GPHN: variants seen among roughly 807,000 people sequenced by gnomAD.
GPHN encodes gephyrin.
Under a neutral mutation model 95.5 loss-of-function variants are expected in GPHN, and 17 were observed. The observed-to-expected ratio is 0.18, with a 90% CI of 0.12 to 0.27. The LOEUF (loss-of-function observed/expected upper bound fraction) is 0.27, where lower values mean the gene tolerates loss of function less well. Ranked by LOEUF, GPHN falls within the 10% of genes least tolerant of loss-of-function variation. The pLI is 1.00. For missense variants in GPHN, 660 were observed against 978.1 expected, an observed-to-expected ratio of 0.67 and a Z score of 4.34; for synonymous variants, 320 against 322.5, an observed-to-expected ratio of 0.99 and a Z score of 0.08.
At chr14:66,968,908 AC>A (rs1743901163) in intron 9 of GPHN, 2 of 152,154 alleles carry the variant, frequency 1.3e-5, no homozygotes, top group African/African-American at 4.8e-5. Flanking sequence ...GAAGCACTTA[AC>A]CAATATATAG....
chr14:67,125,583 C>T (rs2079254475), intron 17 of GPHN, among the ~76,000 whole-genome samples: 1 of 152,120 alleles, frequency 6.6e-6, no homozygotes, highest in Admixed American at 6.5e-5. Context: ...TGGAGACCAG[C>T]CTGACCAACG....
At chr14:66,893,073 C>T (rs1030365129) in intron 5 of GPHN, among the ~76,000 whole-genome samples, 2 of 152,140 alleles carry the variant, frequency 1.3e-5, no homozygotes, top group African/African-American at 2.4e-5. Context: ...GTGAGGACCA[C>T]CTCAACACAG....
chr14:66,607,769 C>T (rs2062607400), intron 1 of GPHN, among the ~76,000 whole-genome samples: 1 of 151,742 alleles, frequency 6.6e-6, no homozygotes. Flanking sequence ...CTCTAGATTT[C>T]TTATTTGTGT....
chr14:66,673,492 CTAA>C (rs1271732917), intron 1 of GPHN, among the ~76,000 whole-genome samples: 1 of 152,174 alleles, frequency 6.6e-6, no homozygotes, highest in Non-Finnish European at 1.5e-5. Flanking sequence ...GAAAATAATC[CTAA>C]TTCCTCTCTT....
At chr14:67,303,578 G>T in the GPHN span, 15 of 1,613,234 alleles carry the variant, frequency 9.3e-6, no homozygotes, top group African/African-American at 1.3e-5. Flanking sequence ...AGATCAAGCC[G>T]CCTCCTGCCA....
At position 67,081,882 on chromosome 14, in the gene GPHN, T is replaced by A. The variant is rs140814247; in HGVS notation, c.1145-7101T>A. ...CCTTTCCCCACTTTTATGTTTTTGT[T>A]TGCTTTGTCAACGATCAGTTGGCTG... On this transcript the variant is annotated intron_variant, in intron 11 of 22. Transcript: ENST00000478722. Among the ~76,000 whole-genome samples the A allele has an allele frequency of 4.7e-3, 721 of 152,256 alleles. 9 individuals carry two copies. The highest frequency in any genetic ancestry group is 0.017 in the African/African-American group (696 of 41,560).
chr14:66,986,293 A>G (rs2071024776), intron 9 of GPHN, among the ~76,000 whole-genome samples: 1 of 152,100 alleles, frequency 6.6e-6, no homozygotes, highest in African/African-American at 2.4e-5. Context: ...TATAGCTGAT[A>G]GTAGTTATGC....
chr14:67,022,541 C>CTTTT (rs1214143019), intron 9 of GPHN, among the ~76,000 whole-genome samples: 3 of 18,900 alleles, frequency 1.6e-4, no homozygotes, highest in African/African-American at 2.2e-4. Flanking sequence ...ATTATTTTTC[C>CTTTT]TTTTTTTTTT....
intron 3 of GPHN, among the ~76,000 whole-genome samples, chr14:66,817,217 GTGTT>G (rs1238218288): frequency 6.6e-6 from 1 of 151,880 alleles, no homozygotes; most frequent in South Asian, 2.1e-4. Context: ...ATATATATGT[GTGTT>G]TGTGTATGTG....
chr14:66,798,180 G>A (rs866603711), intron 3 of GPHN, among the ~76,000 whole-genome samples: 2 of 151,924 alleles, frequency 1.3e-5, no homozygotes, highest in Admixed American at 1.3e-4. Context: ...ATCCCACTTG[G>A]TCATGGTGAA....
At chr14:66,856,838 T>C (rs1462023622) in intron 4 of GPHN, among the ~76,000 whole-genome samples, 1 of 152,132 alleles carries the variant, frequency 6.6e-6, no homozygotes, top group Non-Finnish European at 1.5e-5. Context: ...ATTTTTATCA[T>C]TATTAGGTAA....
intron 3 of GPHN, among the ~76,000 whole-genome samples, chr14:66,781,443 C>G (rs2059604048): frequency 6.6e-6 from 1 of 152,068 alleles, no homozygotes; most frequent in Non-Finnish European, 1.5e-5. Context: ...TCTCGAACCT[C>G]CTGACCTGAA....
At chr14:67,661,056 A>G in the GPHN span, among the ~76,000 whole-genome samples, 1 of 152,086 alleles carries the variant, frequency 6.6e-6, no homozygotes, top group African/African-American at 2.4e-5. Context: ...CTTCATTGGG[A>G]TAAGTGGGAA....
At chr14:67,576,140 T>C in the GPHN span, 2 of 701,094 alleles carry the variant, frequency 2.9e-6, no homozygotes, top group Non-Finnish European at 4.8e-6. This position sits in a 1 kb window ranked among gnomAD's most constrained non-coding sequence, Gnocchi z 4.0. Context: ...ATTCTCTGAA[T>C]GGGAATATTC....
intron 1 of GPHN, among the ~76,000 whole-genome samples, chr14:66,567,616 G>A (rs1034022615): frequency 3.9e-5 from 6 of 152,094 alleles, no homozygotes; most frequent in Non-Finnish European, 1.5e-5. Context: ...TATTTCCTTA[G>A]GGAATGATAA....
the GPHN span, chr14:67,225,052 C>G: frequency 1.3e-4 from 169 of 1,323,620 alleles, no homozygotes; most frequent in Non-Finnish European, 1.6e-4. Context: ...GGCTTTTTTT[C>G]TTTCTCACTT....
chr14:67,569,187 T>C, the GPHN span: 1 of 1,612,994 alleles, frequency 6.2e-7, no homozygotes, highest in Non-Finnish European at 8.5e-7. Flanking sequence ...CTCTCAGATA[T>C]GTCTCCCAGA....
At chr14:67,219,052 C>T in the GPHN span, among the ~76,000 whole-genome samples, 98 of 152,040 alleles carry the variant, frequency 6.4e-4, no homozygotes, top group East Asian at 6.7e-3. Flanking sequence ...GCAGGTTACT[C>T]TCCAGAGGTG....
the GPHN span, among the ~76,000 whole-genome samples, chr14:67,276,571 C>T: frequency 7.9e-5 from 12 of 152,228 alleles, no homozygotes; most frequent in African/African-American, 2.9e-4. Flanking sequence ...AGGCTAAGCA[C>T]TGGAGCTATA....
Sources: gnomAD v4.1 joint callset for allele counts (sites outside exome capture counted in the v4.1 genomes callset) on GRCh38, gnomAD v4.1.1 for gene constraint, Gnocchi (gnomAD v3.1) non-coding constraint, MANE v1.5 for transcripts, NCBI Gene and HGNC (gene_info 2026-07-23, HGNC 2026-07-21) for gene names.